Variants in LMBR1 observed in about 807,000 individuals in gnomAD.
LMBR1 encodes the protein limb development membrane protein 1.
In LMBR1, 52 loss-of-function variants were observed where a neutral mutation model predicts 73.9. The observed-to-expected ratio is 0.70, with a 90% CI of 0.56 to 0.89. The LOEUF is 0.89. Among genes scored for constraint, LMBR1 ranks in the 40% least tolerant of loss-of-function variants. The probability of loss-of-function intolerance (pLI) is 0.00; values close to 1 mark genes in which losing one functional copy is unlikely to be tolerated. For synonymous variants in LMBR1, 215 were observed against 209.4 expected (o/e 1.03, Z -0.23); for missense variants, 539 against 579.8 (o/e 0.93, Z 0.72).
intron 1 of LMBR1, among the ~76,000 whole-genome samples, chr7:156,874,004 G>C (rs1217482098): frequency 6.6e-6 from 1 of 152,268 alleles, no homozygotes; most frequent in East Asian, 1.9e-4. Flanking sequence ...CCATGCGCTC[G>C]TACTCCTCAG....
At chr7:156,675,594 G>C, downstream of LMBR1, 1 of 877,870 alleles carries the variant, frequency 1.1e-6, no homozygotes, top group East Asian at 2.4e-5. Context: ...CGAAGACAGA[G>C]ACGAGGAAGG....
At chr7:156,696,899 C>A (rs1808398840) in intron 15 of LMBR1, among the ~76,000 whole-genome samples, 1 of 152,118 alleles carries the variant, frequency 6.6e-6, no homozygotes, top group African/African-American at 2.4e-5. Flanking sequence ...AGTCCAAAGT[C>A]TCATCTGAGA....
intron 5 of LMBR1, among the ~76,000 whole-genome samples, chr7:156,783,438 C>CA (rs761417405): frequency 3.3e-5 from 5 of 152,128 alleles, no homozygotes; most frequent in Admixed American, 6.5e-5. Context: ...CTCAGCCTCC[C>CA]AAAGTGCTGG....
At chr7:156,791,393 A>G (rs1404939730) in intron 5 of LMBR1, among the ~76,000 whole-genome samples, 1 of 152,158 alleles carries the variant, frequency 6.6e-6, no homozygotes, top group Non-Finnish European at 1.5e-5. Flanking sequence ...TGGACTTCCT[A>G]CTCACTCTGT....
chr7:156,706,431 A>T (rs561717618), intron 15 of LMBR1, among the ~76,000 whole-genome samples: 4 of 152,340 alleles, frequency 2.6e-5, no homozygotes, highest in African/African-American at 9.6e-5. Flanking sequence ...TATTCTGCTC[A>T]ACTGCAGAAT....
chr7:156,710,070 A>G (rs1485244165), intron 15 of LMBR1, among the ~76,000 whole-genome samples: 2 of 151,526 alleles, frequency 1.3e-5, no homozygotes, highest in Admixed American at 6.6e-5. Context: ...ATGCCCGGCT[A>G]ATTTTGTGTA....
At chr7:156,891,530 C>T (rs1431639149) in intron 1 of LMBR1, among the ~76,000 whole-genome samples, 1 of 152,034 alleles carries the variant, frequency 6.6e-6, no homozygotes, top group African/African-American at 2.4e-5. Context: ...GAAGCCAGGG[C>T]AACGTTTACC....
At chr7:156,725,645 G>T in intron 13 of LMBR1, 119 bp downstream of exon 13, 1 of 1,213,480 alleles carries the variant, frequency 8.2e-7, no homozygotes, top group East Asian at 2.4e-5. Context: ...TTAAGTGCTT[G>T]AGGAAGACTA....
intron 2 of LMBR1, among the ~76,000 whole-genome samples, chr7:156,835,712 A>T (rs1201071126): frequency 1.3e-5 from 2 of 151,920 alleles, no homozygotes; most frequent in Non-Finnish European, 2.9e-5. Context: ...AAAAAAAAAA[A>T]ACATCAAGTC....
intron 5 of LMBR1, among the ~76,000 whole-genome samples, chr7:156,769,726 A>G (rs1001522344): frequency 6.6e-6 from 1 of 152,184 alleles, no homozygotes; most frequent in African/African-American, 2.4e-5. Context: ...CCTGCTCCCA[A>G]GTCTTATGGA....
At chr7:156,866,620 TA>T (rs1178911972) in intron 1 of LMBR1, among the ~76,000 whole-genome samples, 1 of 150,872 alleles carries the variant, frequency 6.6e-6, no homozygotes, top group African/African-American at 2.4e-5. Flanking sequence ...TTTTTTTTTT[TA>T]ATGAGACATA....
chr7:156,799,980 G>A (rs934547219), intron 4 of LMBR1, among the ~76,000 whole-genome samples: 1 of 152,196 alleles, frequency 6.6e-6, no homozygotes, highest in Non-Finnish European at 1.5e-5. Flanking sequence ...GGGAGGTGAG[G>A]AAGCTCCAAA....
At chr7:156,775,515 C>T (rs946627524) in intron 5 of LMBR1, among the ~76,000 whole-genome samples, 2 of 152,212 alleles carry the variant, frequency 1.3e-5, no homozygotes, top group East Asian at 1.9e-4. Context: ...ACTTCCATAG[C>T]GTAAGACATT....
At chr7:156,816,560 CT>C (rs1209104085) in intron 4 of LMBR1, among the ~76,000 whole-genome samples, 2 of 152,072 alleles carry the variant, frequency 1.3e-5, no homozygotes. Flanking sequence ...GATCAACCAG[CT>C]TTTTTCAACC....
At chr7:156,864,718 CG>C (rs35175796) in intron 1 of LMBR1, among the ~76,000 whole-genome samples, 6 of 152,032 alleles carry the variant, frequency 3.9e-5, no homozygotes, top group African/African-American at 1.5e-4. Context: ...ATTCCAGGGC[CG>C]GGCACAGTGG....
chr7:156,824,610 AG>A (rs1018503810), intron 4 of LMBR1, among the ~76,000 whole-genome samples: 3 of 152,170 alleles, frequency 2.0e-5, no homozygotes, highest in Non-Finnish European at 4.4e-5. Context: ...TGGGAGGCCA[AG>A]GTGGGAGATC....
chr7:156,712,170 T>C (rs1194230071), intron 15 of LMBR1, among the ~76,000 whole-genome samples: 2 of 152,026 alleles, frequency 1.3e-5, no homozygotes, highest in Non-Finnish European at 2.9e-5. Context: ...AATGACTTCA[T>C]TAAAAAGTGA....
At chr7:156,745,748 C>T (rs2132652020) in intron 9 of LMBR1, among the ~76,000 whole-genome samples, 1 of 152,318 alleles carries the variant, frequency 6.6e-6, no homozygotes, top group African/African-American at 2.4e-5. Flanking sequence ...GAAGTAAATC[C>T]CATTCCCTTT....
At chr7:156,839,007 T>C (rs1384093730) in intron 1 of LMBR1, among the ~76,000 whole-genome samples, 1 of 151,946 alleles carries the variant, frequency 6.6e-6, no homozygotes. Context: ...ATTGGCCATC[T>C]GTATGTCTTC....
Sources: gnomAD v4.1 joint callset for allele counts (sites outside exome capture counted in the v4.1 genomes callset) on GRCh38, gnomAD v4.1.1 for gene constraint, MANE v1.5 for transcripts, NCBI Gene and HGNC (gene_info 2026-07-23, HGNC 2026-07-21) for gene names.